The following CCSER2 variants were observed in gnomAD, a reference collection of about 807,000 sequenced individuals.
The protein encoded by CCSER2 is coiled-coil serine rich protein 2.
In CCSER2, 46 loss-of-function variants were observed where a neutral mutation model predicts 92.3. The observed-to-expected ratio is 0.50, with a 90% CI of 0.39 to 0.64. CCSER2 has a LOEUF of 0.64. Ranked by LOEUF, CCSER2 falls within the 30% of genes least tolerant of loss-of-function variation. CCSER2 has a pLI of 0.00. For missense variants in CCSER2, 1,244 were observed against 1,238.9 expected (o/e 1.00, Z -0.06); for synonymous variants, 433 against 431.4 (o/e 1.00, Z -0.04).
chr10:84,440,880 T>C (rs1032584326), intron 6 of CCSER2, among the ~76,000 whole-genome samples: 5 of 152,240 alleles, frequency 3.3e-5, no homozygotes. Flanking sequence ...TCTAGGATCT[T>C]ATTTAGCCGT....
intron 1 of CCSER2, among the ~76,000 whole-genome samples, chr10:84,359,735 T>G (rs1486113028): frequency 2.0e-5 from 3 of 152,130 alleles, no homozygotes; most frequent in Admixed American, 6.5e-5. Context: ...AGGAGGATAA[T>G]GTGGAATGTG....
intron 6 of CCSER2, among the ~76,000 whole-genome samples, chr10:84,452,649 A>C (rs1845362643): frequency 6.6e-6 from 1 of 152,096 alleles, no homozygotes; most frequent in East Asian, 1.9e-4. Flanking sequence ...TTTTTGTACT[A>C]TTTTTGCTCC....
chr10:84,347,722 G>T (rs1844599069), intron 1 of CCSER2, among the ~76,000 whole-genome samples: 2 of 149,612 alleles, frequency 1.3e-5, no homozygotes, highest in Admixed American at 1.3e-4. Context: ...TGGGCGGAGG[G>T]GCTCCTCACT....
At chr10:84,422,145 AG>A (rs1191317960) in intron 4 of CCSER2, among the ~76,000 whole-genome samples, 4 of 152,342 alleles carry the variant, frequency 2.6e-5, no homozygotes, top group Admixed American at 6.5e-5. Flanking sequence ...ACTTTGCAGA[AG>A]GAAGAAGGGC....
chr10:84,448,302 A>G (rs1189695667), intron 6 of CCSER2, among the ~76,000 whole-genome samples: 1 of 152,130 alleles, frequency 6.6e-6, no homozygotes, highest in Non-Finnish European at 1.5e-5. Flanking sequence ...AGCCCATGCC[A>G]GGCTGCTGAT....
chr10:84,435,775 A>G (rs1485436934), intron 5 of CCSER2, among the ~76,000 whole-genome samples: 1 of 152,220 alleles, frequency 6.6e-6, no homozygotes, highest in African/African-American at 2.4e-5. Context: ...AACAAAGTAT[A>G]CTGTAATAAA....
chr10:84,376,859 C>T (rs2133194901), intron 3 of CCSER2, among the ~76,000 whole-genome samples: 1 of 151,948 alleles, frequency 6.6e-6, no homozygotes, highest in East Asian at 1.9e-4. Flanking sequence ...TGCTTTCTGC[C>T]TTTTTGCATT....
chr10:84,365,609 C>T (rs971312000), intron 1 of CCSER2, among the ~76,000 whole-genome samples: 2 of 152,114 alleles, frequency 1.3e-5, no homozygotes, highest in African/African-American at 4.8e-5. Flanking sequence ...ATTCTTTTCC[C>T]CCACAAACTG....
At chr10:84,351,485 G>A (rs533964986) in intron 1 of CCSER2, among the ~76,000 whole-genome samples, 1 of 152,172 alleles carries the variant, frequency 6.6e-6, no homozygotes, top group Admixed American at 6.5e-5. Flanking sequence ...ACTCACCTTG[G>A]CCTCCCAAAA....
At chr10:84,495,216 C>T (rs1160415986) in intron 9 of CCSER2, among the ~76,000 whole-genome samples, 3 of 150,864 alleles carry the variant, frequency 2.0e-5, no homozygotes, top group African/African-American at 7.3e-5. Flanking sequence ...TCTGACTGAC[C>T]CATGGATAAC....
At chr10:84,483,607 CTA>C (rs1179123688) in intron 9 of CCSER2, among the ~76,000 whole-genome samples, 6 of 152,024 alleles carry the variant, frequency 3.9e-5, no homozygotes, top group Admixed American at 2.0e-4. Context: ...GAACTCCACT[CTA>C]TTTTTTCTTG....
At chr10:84,462,141 A>G (rs2133660722) in intron 6 of CCSER2, among the ~76,000 whole-genome samples, 1 of 152,344 alleles carries the variant, frequency 6.6e-6, no homozygotes, top group African/African-American at 2.4e-5. Context: ...GATCAGATCC[A>G]AGCAAGTGCT....
At position 84,514,283 on chromosome 10, in the gene CCSER2, C is replaced by G. The variant is rs1252157033; in HGVS notation, c.*16C>G. ...GATACATTAAGTACATAGCCATCAC[C>G]TGCCAATTTGTTTCTTAAAAACAAT... On this transcript the variant is annotated 3_prime_UTR_variant, in exon 10 of 10. Transcript: ENST00000372088. 6.7e-7 allele frequency: 1 copy of G among 1,494,616 alleles called. No individual in the cohort carries two copies. The highest frequency in any genetic ancestry group is 1.2e-5 in the South Asian group (1 of 81,450). 92.6% of individuals were successfully genotyped at this position (1,494,616 alleles called of 1,614,324 possible). A position where few individuals can be genotyped will look rare whatever the true frequency, so the allele number is the denominator to read the frequency against.
chr10:84,401,032 T>C (rs1489059142), intron 3 of CCSER2, among the ~76,000 whole-genome samples: 3 of 152,118 alleles, frequency 2.0e-5, no homozygotes, highest in Non-Finnish European at 1.5e-5. Context: ...AAAATATATT[T>C]TATCAAAATT....
intron 3 of CCSER2, among the ~76,000 whole-genome samples, chr10:84,405,216 T>G (rs1290727611): frequency 6.6e-6 from 1 of 152,122 alleles, no homozygotes; most frequent in African/African-American, 2.4e-5. Context: ...TAAAAGAAAC[T>G]CAGTGGAGAA....
chr10:84,341,750 C>T (rs1389030399), intron 1 of CCSER2, among the ~76,000 whole-genome samples: 1 of 152,140 alleles, frequency 6.6e-6, no homozygotes, highest in Admixed American at 6.5e-5. Context: ...CCCATGACCC[C>T]CTTCTTGGGT....
chr10:84,427,370 T>A (rs1483951369), intron 5 of CCSER2, among the ~76,000 whole-genome samples: 4 of 152,122 alleles, frequency 2.6e-5, no homozygotes, highest in Non-Finnish European at 5.9e-5. Flanking sequence ...AAAAGAAACC[T>A]CCTCTAAGAC....
Position 84,470,414 on chromosome 10 carries a change from A to C in CCSER2, c.2191A>C (p.Ile731Leu), listed in dbSNP as rs1846719369. The change falls in exon 8 of 10, where the codon ATA (isoleucine) becomes CTA (leucine). Residue 731 changes from isoleucine to leucine, a missense_variant. Coordinates refer to ENST00000372088, the MANE Select transcript of CCSER2 (RefSeq NM_001284240.2). Reference sequence around the variant, plus strand: ...TGAAATAAAACAACTTAAAGACGAAATAAAGAAAAAAGATGAAAAGATCCA... The same window carrying C: ...TGAAATAAAACAACTTAAAGACGAACTAAAGAAAAAAGATGAAAAGATCCA... ...LNEIKQLKDE[I>L]KKKDEKIQLL... The C allele has an allele frequency of 1.4e-6, 2 of 1,399,218 alleles. No individual in the cohort carries two copies. Among genetic ancestry groups the C allele is most frequent in the Non-Finnish European group, 1.9e-6 (2 of 1,042,968 alleles). 86.7% of individuals were successfully genotyped at this position (1,399,218 alleles called of 1,614,324 possible). A position where few individuals can be genotyped will look rare whatever the true frequency, so the allele number is the denominator to read the frequency against.
rs184580425 is a variant in CCSER2, at chr10:84,491,377, G to A, written c.2325+13713G>A. On this transcript the variant is annotated intron_variant, in intron 9 of 9. Coordinates refer to ENST00000372088, the MANE Select transcript of CCSER2 (RefSeq NM_001284240.2). The stretch of plus-strand genomic sequence containing the variant: ...GGCAGGCAGGCCTCCTTGAGCTGAG[G>A]TGGGCTCCACCCAGTTCGAGCTTCC... Among the ~76,000 whole-genome samples, 1,057 of 152,286 alleles carry A rather than the reference G, an allele frequency of 6.9e-3. 11 individuals are homozygous for A. Among genetic ancestry groups the A allele is most frequent in the African/African-American group, 0.024 (993 of 41,560 alleles).
Sources: allele counts gnomAD v4.1 joint callset (sites outside exome capture counted in the v4.1 genomes callset), GRCh38; gene constraint gnomAD v4.1.1; transcripts MANE v1.5; gene names NCBI Gene and HGNC (gene_info 2026-07-23, HGNC 2026-07-21).